SYNJ2: variants seen among roughly 807,000 people sequenced by gnomAD.
The protein encoded by SYNJ2 is synaptojanin 2.
SYNJ2 carries 116 observed loss-of-function variants against 141.3 expected under a neutral mutation model. The observed-to-expected ratio is 0.82, with a 90% confidence interval of 0.71 to 0.96. The LOEUF (loss-of-function observed/expected upper bound fraction) is 0.96, where lower values mean the gene tolerates loss of function less well. SYNJ2 is among the 40% of genes least tolerant of loss of function. SYNJ2 has a pLI of 0.00. For synonymous variants in SYNJ2, 745 were observed against 777.7 expected (o/e 0.96, Z 0.70); for missense variants, 1,873 against 1,934.8 (o/e 0.97, Z 0.60).
intron 1 of SYNJ2, among the ~76,000 whole-genome samples, chr6:157,995,980 A>C (rs977823402): frequency 1.3e-5 from 2 of 152,196 alleles, no homozygotes; most frequent in African/African-American, 2.4e-5. Context: ...ATGTTCTTGG[A>C]GTGGGAACAT....
intron 6 of SYNJ2, among the ~76,000 whole-genome samples, chr6:158,058,536 G>A (rs1445301846): frequency 2.6e-5 from 4 of 152,228 alleles, no homozygotes; most frequent in African/African-American, 9.6e-5. Flanking sequence ...AAAACAGGAT[G>A]CTGAGTTGAG....
At chr6:158,049,314 G>A (rs1041787878) in intron 5 of SYNJ2, among the ~76,000 whole-genome samples, 6 of 152,102 alleles carry the variant, frequency 3.9e-5, no homozygotes, top group African/African-American at 9.7e-5. Flanking sequence ...GCTGCAGCTC[G>A]TGCCTGTGGC....
chr6:158,084,127 G>T lies in SYNJ2; in HGVS notation c.3161G>T (p.Ser1054Ile), dbSNP rs1295191982. 21 of 1,614,066 alleles carry T rather than the reference G, an allele frequency of 1.3e-5. No individual in the cohort carries two copies. The highest frequency in any genetic ancestry group is 1.8e-5 in the Non-Finnish European group (21 of 1,179,974). ...VPGPTALAPP[S>I]KSPALTKKKQ... Reference sequence around the variant, plus strand: ...GGCCCCACAGCACTGGCTCCTCCCAGCAAGTCACCTGCTCTCACCAAAAAG... The same window carrying T: ...GGCCCCACAGCACTGGCTCCTCCCATCAAGTCACCTGCTCTCACCAAAAAG... Residue 1054 changes from serine to isoleucine, a missense_variant, in exon 22 of 27, where the codon AGC becomes ATC. By Grantham distance (142) the Ser-to-Ile change is moderately radical. Transcript: ENST00000355585. The surrounding 1 kb of genome is among the most constrained non-coding windows in gnomAD (Gnocchi z 5.0).
In SYNJ2 at chr6:158,088,684, C is replaced by T. The variant is rs764713952; in HGVS notation, c.3368C>T (p.Ala1123Val). The change falls in exon 24 of 27, where the codon GCT becomes GTT. Residue 1123 changes from alanine (A) to valine (V), a missense_variant. By Grantham distance (64) the Ala-to-Val change is moderately conservative (BLOSUM62 0). Coordinates refer to ENST00000355585, the MANE Select transcript of SYNJ2 (RefSeq NM_003898.4). The stretch of plus-strand genomic sequence containing the variant: ...GCCGGTTTAATGGTGAAAAAGTCGG[C>T]TTCAGATGCGTCCATCTCCTCCGGC... ...PPTGLMVKKS[A>V]SDASISSGTH... 6 of 1,613,988 alleles carry T rather than the reference C, an allele frequency of 3.7e-6. No homozygotes were observed. Among genetic ancestry groups the T allele is most frequent in the African/African-American group, 2.7e-5 (2 of 74,912 alleles).
chr6:158,019,396 TC>T (rs1156797652), intron 2 of SYNJ2, among the ~76,000 whole-genome samples: 1 of 152,156 alleles, frequency 6.6e-6, no homozygotes. Flanking sequence ...CCTTCCCCCA[TC>T]CCAGGGGAAA....
intron 1 of SYNJ2, among the ~76,000 whole-genome samples, chr6:158,006,529 T>C (rs751848741): frequency 6.6e-6 from 1 of 152,190 alleles, no homozygotes; most frequent in Non-Finnish European, 1.5e-5. Flanking sequence ...TGTATCTTCT[T>C]GGTCACTTCT....
intron 2 of SYNJ2, among the ~76,000 whole-genome samples, chr6:158,025,493 TG>T (rs1778994295): frequency 6.6e-6 from 1 of 151,508 alleles, no homozygotes; most frequent in African/African-American, 2.4e-5. Flanking sequence ...CTGGCCAACA[TG>T]GTAACACCCC....
intron 6 of SYNJ2, among the ~76,000 whole-genome samples, chr6:158,058,700 G>C (rs1299589820): frequency 6.6e-6 from 1 of 152,218 alleles, no homozygotes; most frequent in East Asian, 1.9e-4. Context: ...GCTGAGGTGG[G>C]AAGATTGCTT....
chr6:157,994,310 C>A (rs1777566125), intron 1 of SYNJ2, among the ~76,000 whole-genome samples: 2 of 152,228 alleles, frequency 1.3e-5, no homozygotes, highest in Admixed American at 1.3e-4. Flanking sequence ...GCCAGCTGGG[C>A]AGAGATGAGT....
chr6:158,053,707 A>G (rs570323471), intron 5 of SYNJ2, among the ~76,000 whole-genome samples: 35 of 149,992 alleles, frequency 2.3e-4, no homozygotes, highest in African/African-American at 8.1e-4. Flanking sequence ...CCATCCAGTC[A>G]TCCACCCATC....
At chr6:158,065,391 T>G (rs1368279001) in intron 11 of SYNJ2, among the ~76,000 whole-genome samples, 1 of 152,106 alleles carries the variant, frequency 6.6e-6, no homozygotes, top group Non-Finnish European at 1.5e-5. Context: ...CTCCAGTTTC[T>G]CTCTTGGCCC....
chr6:158,067,970 T>A, intron 12 of SYNJ2: 2 of 985,112 alleles, frequency 2.0e-6, no homozygotes, highest in Non-Finnish European at 2.4e-6. Flanking sequence ...CAGGAAGGTG[T>A]GCATGTTTTT....
intron 8 of SYNJ2, 156 bp downstream of exon 8, chr6:158,062,320 C>T (rs1781275508): frequency 1.2e-6 from 1 of 839,550 alleles, no homozygotes; most frequent in Middle Eastern, 6.1e-4. Flanking sequence ...TCCTTCCCTC[C>T]CCACTCAGTT....
intron 15 of SYNJ2, among the ~76,000 whole-genome samples, chr6:158,073,633 G>A (rs1485916964): frequency 1.3e-5 from 2 of 152,198 alleles, no homozygotes; most frequent in Non-Finnish European, 2.9e-5. Flanking sequence ...CAGTATCCAT[G>A]TGGCCAGTGG....
chr6:158,080,975 G>T (rs962459224), intron 18 of SYNJ2, 134 bp from the exon 19 acceptor site: 10 of 798,544 alleles, frequency 1.3e-5, no homozygotes, highest in Non-Finnish European at 2.1e-5. Flanking sequence ...TTTACAAAGA[G>T]CCCTGGGGGA....
rs200842364 is a variant in SYNJ2, at chr6:158,033,543, C to T, written c.574C>T (p.Arg192Cys). 5.5e-5 allele frequency: 89 copies of T among 1,614,070 alleles called. No individual in the cohort carries two copies. Among genetic ancestry groups the T allele is most frequent in the Middle Eastern group, 1.6e-4 (1 of 6,084 alleles). Residue 192 changes from arginine (R) to cysteine (C), a missense_variant, in exon 4 of 27, where the codon CGC becomes TGC. Arg to Cys is a radical substitution (Grantham distance 180). Coordinates refer to ENST00000355585, the MANE Select transcript of SYNJ2 (RefSeq NM_003898.4). ...LKIICGVVTI[R>C]TVYASHKQAK... ...GATCATCTGCGGGGTGGTCACCATC[C>T]GCACCGTGTATGCCTCCCACAAGCA...
At chr6:158,079,912 A>G (rs1782562737) in intron 18 of SYNJ2, among the ~76,000 whole-genome samples, 1 of 152,218 alleles carries the variant, frequency 6.6e-6, no homozygotes, top group Non-Finnish European at 1.5e-5. Flanking sequence ...CAAACAGACA[A>G]TAAACAAACA....
intron 18 of SYNJ2, among the ~76,000 whole-genome samples, chr6:158,079,554 G>A (rs1293876968): frequency 6.6e-6 from 1 of 151,896 alleles, no homozygotes; most frequent in East Asian, 1.9e-4. Context: ...TGTATTTTTA[G>A]TAGAAACGGT....
At chr6:157,992,939 C>T (rs1360940877) in intron 1 of SYNJ2, among the ~76,000 whole-genome samples, 1 of 151,474 alleles carries the variant, frequency 6.6e-6, no homozygotes, top group Non-Finnish European at 1.5e-5. Context: ...TACTGATTTC[C>T]TTTCTTTTGG....
Sources: allele counts gnomAD v4.1 joint callset (sites outside exome capture counted in the v4.1 genomes callset), GRCh38; gene constraint gnomAD v4.1.1; non-coding constraint Gnocchi (gnomAD v3.1); transcripts MANE v1.5; gene names NCBI Gene and HGNC (gene_info 2026-07-23, HGNC 2026-07-21).